Variants in CACNB3 observed in about 807,000 individuals in gnomAD.
CACNB3 encodes voltage-dependent L-type calcium channel subunit beta-3.
A neutral mutation model predicts 63.7 loss-of-function variants in CACNB3; 36 were observed. That is an observed-to-expected ratio of 0.57 (90% CI 0.43 to 0.75). The LOEUF (loss-of-function observed/expected upper bound fraction) is 0.75, where lower values mean the gene tolerates loss of function less well. CACNB3 is among the 30% of genes least tolerant of loss of function. The pLI is 0.00. For missense variants in CACNB3, 493 were observed against 648.6 expected (o/e 0.76, Z 2.61); for synonymous variants, 241 against 250.6 (o/e 0.96, Z 0.36).
rs1422746843 is a variant in CACNB3 at position 48,826,722 on chromosome 12, G to T, written c.895-37G>T. ...CGGGCTCAGCTCTGCCCAGAGTCCT[G>T]AGAGACTCCAGGCCTAGCTCTGCCC... is the stretch of plus-strand genomic sequence containing the variant. On this transcript the variant is annotated intron_variant, in intron 10 of 12. Transcript: ENST00000301050. This position sits in a 1 kb window ranked among gnomAD's most constrained non-coding sequence, Gnocchi z 4.8. 1.3e-6 allele frequency: 2 copies of T among 1,561,132 alleles called. No homozygotes were observed. Among genetic ancestry groups the T allele is most frequent in the Non-Finnish European group, 1.8e-6 (2 of 1,131,998 alleles).
rs948230091 is a variant in CACNB3, at chr12:48,819,919, T to G, written c.45+945T>G. On this transcript the variant is annotated intron_variant, in intron 1 of 12. Transcript: ENST00000301050. ...GAGCAGCTTCTCAGCCCCTTGGAGC[T>G]GACAACTTTCCCTCAAATGTCCTGT... 1.0e-5 allele frequency: 3 copies of G among 300,026 alleles called. No homozygotes were observed. The Admixed American group carries it at 1.3e-4, about 13-fold the overall frequency. 18.6% of individuals were successfully genotyped at this position (300,026 alleles called of 1,614,324 possible). A position where few individuals can be genotyped will look rare whatever the true frequency, so the allele number is the denominator to read the frequency against.
At chr12:48,818,398 G>C (rs893314560), upstream of CACNB3, 1 of 966,328 alleles carries the variant, frequency 1.0e-6, no homozygotes, top group African/African-American at 1.8e-5. The surrounding 1 kb of genome is among the most constrained non-coding windows in gnomAD (Gnocchi z 4.3). Flanking sequence ...TTTGTTTCCC[G>C]GCGGAGTAGT....
Position 48,826,875 on chromosome 12 carries a change from C to A in CACNB3, c.990+21C>A. On this transcript the variant is annotated intron_variant, in intron 11 of 12. Coordinates refer to ENST00000301050, the MANE Select transcript of CACNB3 (RefSeq NM_000725.4). This position sits in a 1 kb window ranked among gnomAD's most constrained non-coding sequence, Gnocchi z 4.8. ...CACCGGTGAGTGCCTGGGTCAGCTG[C>A]TCCTGTGCCCACTCCCCCAGGGCTG... The A allele has an allele frequency of 6.2e-7, 1 of 1,612,100 alleles. No homozygotes were observed. Among genetic ancestry groups the A allele is most frequent in the South Asian group, 1.1e-5 (1 of 91,026 alleles).
upstream of CACNB3, chr12:48,815,831 T>A (rs1362373146): frequency 2.5e-6 from 2 of 804,798 alleles, no homozygotes; most frequent in East Asian, 2.7e-5. Flanking sequence ...TGGGGGAGAC[T>A]GCACCGATGG....
chr12:48,822,674 G>A (rs1314189984), intron 1 of CACNB3, among the ~76,000 whole-genome samples: 1 of 152,186 alleles, frequency 6.6e-6, no homozygotes, highest in Non-Finnish European at 1.5e-5. Context: ...CAGCAGGTGT[G>A]GAAGGAAGAA....
Position 48,818,576 on chromosome 12 carries a change from G to A in CACNB3, c.-354G>A, listed in dbSNP as rs924759012. The A allele has an allele frequency of 7.4e-6, 8 of 1,074,154 alleles. No homozygotes were observed. The highest frequency in any genetic ancestry group is 9.0e-6 in the Non-Finnish European group (8 of 887,812). 66.5% of individuals were successfully genotyped at this position (1,074,154 alleles called of 1,614,324 possible). A position where few individuals can be genotyped will look rare whatever the true frequency, so the allele number is the denominator to read the frequency against. The stretch of plus-strand genomic sequence containing the variant: ...TAGCACGGGTTCGTTCCCCTCTCCC[G>A]GCCTGGCCCGGGCTCCCCGGTGGCC... On this transcript the variant is annotated 5_prime_UTR_variant, in exon 1 of 13. Transcript: ENST00000301050. The surrounding 1 kb of genome is among the most constrained non-coding windows in gnomAD (Gnocchi z 4.3).
intron 1 of CACNB3, among the ~76,000 whole-genome samples, chr12:48,821,787 A>G (rs1181402032): frequency 1.3e-5 from 2 of 152,216 alleles, no homozygotes; most frequent in African/African-American, 2.4e-5. Context: ...TCCTGCTGCC[A>G]TCCAGCCTCA....
At chr12:48,827,523 C>A in intron 12 of CACNB3, 62 bp from the exon 13 acceptor site, 1 of 1,465,714 alleles carries the variant, frequency 6.8e-7, no homozygotes, top group Non-Finnish European at 9.3e-7. Flanking sequence ...GAATCTCGCA[C>A]CTCACCAGAA....
upstream of CACNB3, among the ~76,000 whole-genome samples, chr12:48,816,152 C>T (rs1228049208): frequency 6.6e-6 from 1 of 152,152 alleles, no homozygotes; most frequent in Non-Finnish European, 1.5e-5. Context: ...CTCAGTTTCC[C>T]CATTCAGTGC....
upstream of CACNB3, chr12:48,818,436 C>G (rs1942345421): frequency 4.0e-6 from 4 of 987,730 alleles, no homozygotes; most frequent in African/African-American, 7.0e-5. The surrounding 1 kb of genome is among the most constrained non-coding windows in gnomAD (Gnocchi z 4.3). Context: ...TCTCTGTCTC[C>G]GCATCTCTCC....
In CACNB3 at chr12:48,819,625, C is replaced by CTAT. The variant is rs533212157; in HGVS notation, c.45+653_45+655dup. On this transcript the variant is annotated intron_variant, in intron 1 of 12. Coordinates refer to ENST00000301050, the MANE Select transcript of CACNB3 (RefSeq NM_000725.4). Reference sequence around the variant, plus strand: ...GGTAGGCCAGGTGACTGAGCCCCATCTATTCCACAGCCCCCTGCTGAGGCT... The same window carrying CTAT: ...GGTAGGCCAGGTGACTGAGCCCCATCTATTATTCCACAGCCCCCTGCTGAGGCT... The CTAT allele has an allele frequency of 1.3e-4, 57 of 449,534 alleles. 1 individual carries two copies. Among genetic ancestry groups the CTAT allele is most frequent in the African/African-American group, 1.0e-3 (52 of 49,862 alleles). 27.8% of individuals were successfully genotyped at this position (449,534 alleles called of 1,614,324 possible). A position where few individuals can be genotyped will look rare whatever the true frequency, so the allele number is the denominator to read the frequency against.
Position 48,826,365 on chromosome 12 carries a change from A to G in CACNB3, c.743-2A>G, listed in dbSNP as rs1372498049. ...GAGCACTGCTGCTGCCTCCCTCCAT[A>G]GCGGAAGTGCAGAGTGAGATCGAGC... On this transcript the variant is annotated splice_acceptor_variant, in intron 9 of 12. Transcript: ENST00000301050. LOFTEE classifies it high-confidence loss of function. The surrounding 1 kb of genome is among the most constrained non-coding windows in gnomAD (Gnocchi z 4.8). The G allele has an allele frequency of 6.2e-7, 1 of 1,613,948 alleles. No individual in the cohort carries two copies. The highest frequency in any genetic ancestry group is 1.3e-5 in the African/African-American group (1 of 74,908).
In CACNB3 at chr12:48,826,619, C is replaced by A; in HGVS notation, c.894+101C>A. On this transcript the variant is annotated intron_variant, in intron 10 of 12. Coordinates refer to ENST00000301050, the MANE Select transcript of CACNB3 (RefSeq NM_000725.4). This position sits in a 1 kb window ranked among gnomAD's most constrained non-coding sequence, Gnocchi z 4.8. ...GCCTGGGGCACCTGAGTTCCCTTTT[C>A]CTGCTGCCCTTAACACAACTCTGAG... is the stretch of plus-strand genomic sequence containing the variant. The A allele has an allele frequency of 6.7e-7, 1 of 1,495,700 alleles. No individual in the cohort carries two copies. Among genetic ancestry groups the A allele is most frequent in the Non-Finnish European group, 9.3e-7 (1 of 1,077,366 alleles). 92.7% of individuals were successfully genotyped at this position (1,495,700 alleles called of 1,614,324 possible).
chr12:48,818,657 C>T lies in CACNB3; in HGVS notation c.-273C>T. On this transcript the variant is annotated 5_prime_UTR_variant, in exon 1 of 13. Transcript: ENST00000301050. The surrounding 1 kb of genome is among the most constrained non-coding windows in gnomAD (Gnocchi z 4.3). ...GGGGAGGGGGTCAGGTGGGCGGGCA[C>T]TATTGTTGTAGGAGCCGGCGCCAGA... is the stretch of plus-strand genomic sequence containing the variant. 3.5e-6 allele frequency: 4 copies of T among 1,145,444 alleles called. No homozygotes were observed. The highest frequency in any genetic ancestry group is 4.2e-6 in the Non-Finnish European group (4 of 943,830). 71.0% of individuals were successfully genotyped at this position (1,145,444 alleles called of 1,614,324 possible). A position where few individuals can be genotyped will look rare whatever the true frequency, so the allele number is the denominator to read the frequency against.
Position 48,823,388 on chromosome 12 carries a change from C to A in CACNB3, c.90C>A (p.Asp30Glu). 6.2e-7 allele frequency: 1 copy of A among 1,614,136 alleles called. No homozygotes were observed. Among genetic ancestry groups the A allele is most frequent in the Non-Finnish European group, 8.5e-7 (1 of 1,180,002 alleles). Residue 30 changes from aspartate (D) to glutamate (E), a missense_variant, in exon 2 of 13, where the codon GAC becomes GAA. By Grantham distance (45) the Asp-to-Glu change is conservative. Transcript: ENST00000301050. The surrounding 1 kb of genome is among the most constrained non-coding windows in gnomAD (Gnocchi z 4.2). Reference protein sequence around the residue: ...SYTSRPSLDSDVSLEEDRESA... With the variant: ...SYTSRPSLDSEVSLEEDRESA... ...CCAGCCGCCCATCTCTGGACTCAGA[C>A]GTCTCCCTGGAGGAGGACCGGGAGA...
chr12:48,826,411 T>C lies in CACNB3; in HGVS notation c.787T>C (p.Ser263Pro). 6.2e-7 allele frequency: 1 copy of C among 1,614,112 alleles called. No homozygotes were observed. The highest frequency in any genetic ancestry group is 8.5e-7 in the Non-Finnish European group (1 of 1,180,008). ...CGAGCGCATATTTGAGCTGGCCAAA[T>C]CCCTGCAGCTAGTAGTGTTGGACGC... is the stretch of plus-strand genomic sequence containing the variant. ...EIERIFELAK[S>P]LQLVVLDADT... The change falls in exon 10 of 13, where the codon TCC becomes CCC. Residue 263 changes from serine (S) to proline (P), a missense_variant. Coordinates refer to ENST00000301050, the MANE Select transcript of CACNB3 (RefSeq NM_000725.4). The surrounding 1 kb of genome is among the most constrained non-coding windows in gnomAD (Gnocchi z 4.8).
At chr12:48,814,769 G>A, upstream of CACNB3, 1 of 465,484 alleles carries the variant, frequency 2.1e-6, no homozygotes, top group Non-Finnish European at 3.7e-6. This position sits in a 1 kb window ranked among gnomAD's most constrained non-coding sequence, Gnocchi z 6.9. Flanking sequence ...AGCGCCGCCT[G>A]CTGGCAGGGC....
At chr12:48,824,436 C>T (rs1938019016) in intron 4 of CACNB3, 63 bp downstream of exon 4, 5 of 1,390,422 alleles carry the variant, frequency 3.6e-6, no homozygotes, top group Admixed American at 4.1e-5. Context: ...CCACAGGACA[C>T]GTCACCATGC....
chr12:48,819,460 C>A (rs985469805), intron 1 of CACNB3, among the ~76,000 whole-genome samples: 1 of 152,190 alleles, frequency 6.6e-6, no homozygotes, highest in Non-Finnish European at 1.5e-5. Flanking sequence ...GGGCCAACCT[C>A]TTCAGACAGA....
Sources: allele counts gnomAD v4.1 joint callset (sites outside exome capture counted in the v4.1 genomes callset), GRCh38; gene constraint gnomAD v4.1.1; non-coding constraint Gnocchi (gnomAD v3.1); transcripts MANE v1.5; gene names NCBI Gene and HGNC (gene_info 2026-07-23, HGNC 2026-07-21).